Variants in REV1 observed in about 807,000 individuals in gnomAD.
REV1 encodes the protein translesion synthesis protein REV1.
REV1 carries 42 observed loss-of-function variants against 137.4 expected under a neutral mutation model. That is an observed-to-expected ratio of 0.31 (90% CI 0.24 to 0.40). REV1 has a LOEUF of 0.40. Among genes scored for constraint, REV1 ranks in the 10% least tolerant of loss-of-function variants. The probability of loss-of-function intolerance (pLI) is 1.00; values close to 1 mark genes in which losing one functional copy is unlikely to be tolerated. For synonymous variants in REV1, 524 were observed against 519.2 expected (o/e 1.01, Z -0.12); for missense variants, 1,282 against 1,490.1 (o/e 0.86, Z 2.30).
chr2:99,425,586 A>G (rs1479339748), intron 9 of REV1, among the ~76,000 whole-genome samples: 1 of 152,250 alleles, frequency 6.6e-6, no homozygotes, highest in Non-Finnish European at 1.5e-5. Flanking sequence ...GTTTAGACAT[A>G]TATGTAGAAA....
At chr2:99,418,552 C>A (rs1678200521) in intron 12 of REV1, among the ~76,000 whole-genome samples, 1 of 152,192 alleles carries the variant, frequency 6.6e-6, no homozygotes, top group South Asian at 2.1e-4. Flanking sequence ...ATCATCCTCC[C>A]TTTTAACATT....
At chr2:99,489,675 G>T (rs1268964313) in intron 1 of REV1, 142 bp downstream of exon 1, 1 of 149,520 alleles carries the variant, frequency 6.7e-6, no homozygotes, top group African/African-American at 2.4e-5. Context: ...GCGGGCCGGG[G>T]CCGGGGCGAC....
At chr2:99,487,363 G>T (rs1163605064) in intron 1 of REV1, among the ~76,000 whole-genome samples, 1 of 91,724 alleles carries the variant, frequency 1.1e-5, no homozygotes, top group Non-Finnish European at 2.4e-5. Context: ...AGATCCCTCT[G>T]GTTGTCAAGG....
rs1376726736 is a variant in REV1, at chr2:99,400,593, AGTAGAAGCAAAAAGACAACACCACCTCT to A, written c.*620_*647del. 6.6e-6 allele frequency: 1 copy of A among 152,228 alleles called. No homozygotes were observed. The highest frequency in any genetic ancestry group is 1.5e-5 in the Non-Finnish European group (1 of 68,046). 9.4% of individuals were successfully genotyped at this position (152,228 alleles called of 1,614,324 possible). ...TTATCATCAAAGTTTCTCAATGGCC[AGTAGAAGCAAAAAGACAACACCACCTCT>A]GATCTACGGGACATAATGTTCCCAG... On this transcript the variant is annotated 3_prime_UTR_variant, in exon 23 of 23. Transcript: ENST00000258428.
chr2:99,402,407 C>G, intron 21 of REV1, 61 bp from the exon 22 acceptor site: 1 of 885,984 alleles, frequency 1.1e-6, no homozygotes, highest in Non-Finnish European at 1.8e-6. Flanking sequence ...AGTCAGAGAT[C>G]TGCATGGATA....
intron 1 of REV1, among the ~76,000 whole-genome samples, chr2:99,483,763 C>T (rs1400255799): frequency 1.3e-5 from 2 of 152,150 alleles, no homozygotes; most frequent in East Asian, 1.9e-4. Context: ...CTCAGTAATG[C>T]AGGGAACAGT....
chr2:99,441,636 T>C (rs1282198977), intron 5 of REV1, among the ~76,000 whole-genome samples: 1 of 152,192 alleles, frequency 6.6e-6, no homozygotes, highest in African/African-American at 2.4e-5. Context: ...TTTCTATGCA[T>C]GGAACACAAC....
chr2:99,423,415 G>A (rs968065646), intron 10 of REV1, among the ~76,000 whole-genome samples: 2 of 152,080 alleles, frequency 1.3e-5, no homozygotes, highest in East Asian at 1.9e-4. Flanking sequence ...TACATTCCCC[G>A]TGGCTGCTTT....
intron 8 of REV1, chr2:99,431,637 A>T (rs1206763020): frequency 5.3e-6 from 4 of 748,258 alleles, no homozygotes; most frequent in African/African-American, 1.9e-5. Context: ...AAAATAACAG[A>T]AAACTTATGC....
At chr2:99,453,452 T>C (rs1410652068) in intron 3 of REV1, among the ~76,000 whole-genome samples, 1 of 152,182 alleles carries the variant, frequency 6.6e-6, no homozygotes, top group Non-Finnish European at 1.5e-5. Context: ...GAAGGAGCTC[T>C]AGAGCTAAAG....
intron 12 of REV1, among the ~76,000 whole-genome samples, chr2:99,415,947 T>A (rs933725725): frequency 6.6e-6 from 1 of 152,274 alleles, no homozygotes; most frequent in African/African-American, 2.4e-5. Flanking sequence ...GGTAACCGGA[T>A]CATATTAAGA....
intron 3 of REV1, among the ~76,000 whole-genome samples, chr2:99,453,314 G>A (rs915604096): frequency 1.3e-5 from 2 of 150,816 alleles, no homozygotes; most frequent in Non-Finnish European, 2.9e-5. Context: ...AGCTGAGATT[G>A]TGCCACTGCA....
intron 18 of REV1, among the ~76,000 whole-genome samples, chr2:99,404,147 C>T (rs1487502423): frequency 1.3e-5 from 2 of 152,216 alleles, no homozygotes; most frequent in Non-Finnish European, 2.9e-5. Context: ...GATTATACAT[C>T]TCCGCTCTGT....
chr2:99,403,085 T>G lies in REV1; in HGVS notation c.3188A>C (p.His1063Pro), dbSNP rs1162292889. 6.2e-7 allele frequency: 1 copy of G among 1,609,864 alleles called. No individual in the cohort carries two copies. Among genetic ancestry groups the G allele is most frequent in the Non-Finnish European group, 8.5e-7 (1 of 1,178,018 alleles). The change falls in exon 20 of 23, where the codon CAT (histidine) becomes CCT (proline). Residue 1063 changes from histidine (H) to proline (P), a missense_variant. By Grantham distance (77) the His-to-Pro change is moderately conservative (BLOSUM62 -2). This residue lies in a region of REV1 where 170 missense variants were observed against 156.8 expected (regional missense o/e 1.08). Coordinates refer to ENST00000258428, the MANE Select transcript of REV1 (RefSeq NM_016316.4). The part of the protein sequence containing the change: ...SASVPKNPLL[H>P]LKAAVKEKKR... ...CTTTTCTTTCACTGCTGCCTTTAGA[T>G]GAAGTAAAGGATTCTTTGGCACTAA... is the stretch of plus-strand genomic sequence containing the variant.
chr2:99,453,355 CA>C (rs202156661), intron 3 of REV1, among the ~76,000 whole-genome samples: 279 of 126,746 alleles, frequency 2.2e-3, no homozygotes, highest in East Asian at 2.8e-3. Context: ...AAGACTGTCT[CA>C]AAAAAAAAAA....
chr2:99,489,142 C>A (rs1007772913), intron 1 of REV1, among the ~76,000 whole-genome samples: 2 of 152,120 alleles, frequency 1.3e-5, no homozygotes, highest in African/African-American at 4.8e-5. Flanking sequence ...CAGAAGTGGG[C>A]AAGGGGCTCT....
intron 14 of REV1, among the ~76,000 whole-genome samples, chr2:99,410,374 G>C (rs866537960): frequency 6.6e-6 from 1 of 152,076 alleles, no homozygotes; most frequent in Non-Finnish European, 1.5e-5. Context: ...ACCAAGTCCC[G>C]AAACTATAGC....
chr2:99,426,448 G>T (rs772532776), intron 9 of REV1, among the ~76,000 whole-genome samples: 1 of 151,456 alleles, frequency 6.6e-6, no homozygotes, highest in Non-Finnish European at 1.5e-5. Context: ...AAAATTTTCC[G>T]AAGCACATTA....
chr2:99,436,990 G>GTC, intron 6 of REV1, among the ~76,000 whole-genome samples: 1 of 128,898 alleles, frequency 7.8e-6, no homozygotes, highest in Admixed American at 7.8e-5. Context: ...CTTTTTTTTT[G>GTC]TTTTTTTTTT....
Sources: allele counts gnomAD v4.1 joint callset (sites outside exome capture counted in the v4.1 genomes callset), GRCh38; gene constraint gnomAD v4.1.1; regional missense constraint gnomAD v4.1.1; transcripts MANE v1.5; gene names NCBI Gene and HGNC (gene_info 2026-07-23, HGNC 2026-07-21).